ANK1: variants seen among roughly 807,000 people sequenced by gnomAD.
The protein encoded by ANK1 is ankyrin-1.
Under a neutral mutation model 210.4 loss-of-function variants are expected in ANK1, and 51 were observed. The ratio of observed to expected loss-of-function variants is 0.24; its 90% confidence interval spans 0.19 to 0.31. The LOEUF (loss-of-function observed/expected upper bound fraction) is 0.31. ANK1 is among the 10% of genes least tolerant of loss of function. The pLI, the probability that ANK1 is intolerant of heterozygous loss-of-function variation, is 1.00. For missense variants in ANK1, 2,051 were observed against 2,504.4 expected (o/e 0.82, Z 3.86); for synonymous variants, 967 against 1,025.9 (o/e 0.94, Z 1.10).
intron 1 of ANK1, among the ~76,000 whole-genome samples, chr8:41,793,228 A>G (rs929859345): frequency 1.3e-5 from 2 of 152,206 alleles, no homozygotes; most frequent in Middle Eastern, 3.2e-3. Flanking sequence ...AAATACAAAA[A>G]TTAGCTGAAC....
chr8:41,663,530 C>T (rs28667543), intron 40 of ANK1, 129 bp downstream of exon 40: 55 of 904,028 alleles, frequency 6.1e-5, no homozygotes, highest in South Asian at 3.0e-4. Context: ...CTCCTGAGCA[C>T]GGGGGCAGCC....
At chr8:41,699,298 G>C (rs1220712405) in intron 23 of ANK1, among the ~76,000 whole-genome samples, 154 bp downstream of exon 23, 1 of 152,166 alleles carries the variant, frequency 6.6e-6, no homozygotes, top group East Asian at 1.9e-4. Flanking sequence ...CTAGGGTGCA[G>C]AGCTAGCTCA....
chr8:41,682,076 T>C (rs1044876941), intron 37 of ANK1, among the ~76,000 whole-genome samples: 28 of 152,350 alleles, frequency 1.8e-4, no homozygotes, highest in East Asian at 5.8e-4. Context: ...AACCCTCTGA[T>C]GGCTTTCCAG....
At chr8:41,763,170 CG>C (rs1194602855) in intron 1 of ANK1, among the ~76,000 whole-genome samples, 1 of 148,876 alleles carries the variant, frequency 6.7e-6, no homozygotes, top group African/African-American at 2.5e-5. Context: ...GCTGAGATTG[CG>C]GCACTGCACT....
At position 41,803,057 on chromosome 8, in the gene ANK1, G is replaced by A. The variant is rs201448694; in HGVS notation, c.127-44920C>T. Among the ~76,000 whole-genome samples, 201 of 36,010 alleles carry A rather than the reference G, an allele frequency of 5.6e-3. 1 individual carries two copies. The highest frequency in any genetic ancestry group is 0.017 in the African/African-American group (162 of 9,604). The allele number at this position is 36,010 out of a possible 152,430, so 23.6% of individuals were successfully genotyped here. On this transcript the variant is annotated intron_variant, in intron 1 of 42. Transcript: ENST00000265709. ...AGAAAGAAAGAGAAAGAAAGAAAGA[G>A]AGAAAGGAAGGAAGGAAGGAAGGAA...
Position 41,665,013 on chromosome 8 carries a change from A to G in ANK1, c.5395-1271T>C, listed in dbSNP as rs763766517. On this transcript the variant is annotated intron_variant, in intron 39 of 42. Coordinates refer to ENST00000289734, the MANE Select transcript of ANK1 (RefSeq NM_000037.4). Reference sequence around the variant, plus strand: ...CAGCGTGACCAACAGCTGGGTGACGAAAGTCCACATCCTCGCCTCCTCACC... The same window carrying G: ...CAGCGTGACCAACAGCTGGGTGACGGAAGTCCACATCCTCGCCTCCTCACC... 13 of 1,613,722 alleles carry G rather than the reference A, an allele frequency of 8.1e-6. No individual in the cohort carries two copies. In the Admixed American group the frequency reaches 1.2e-4, roughly 14 times the overall value.
intron 1 of ANK1, among the ~76,000 whole-genome samples, chr8:41,895,744 A>C (rs978137323): frequency 6.6e-6 from 1 of 152,178 alleles, no homozygotes; most frequent in African/African-American, 2.4e-5. Context: ...GTAGAGGAGA[A>C]GGCGCCTTCT....
intron 1 of ANK1, among the ~76,000 whole-genome samples, chr8:41,892,733 G>A (rs1006819285): frequency 3.3e-5 from 5 of 152,114 alleles, no homozygotes; most frequent in Non-Finnish European, 5.9e-5. Context: ...ATCATTCACC[G>A]GAACACATGC....
intron 14 of ANK1, 93 bp downstream of exon 14, chr8:41,715,559 G>A (rs1827392394): frequency 6.7e-7 from 1 of 1,490,656 alleles, no homozygotes; most frequent in Admixed American, 1.9e-5. Context: ...TCATTGAGGT[G>A]ACAAAGAGAA....
At chr8:41,679,703 C>T (rs1815354096) in intron 37 of ANK1, among the ~76,000 whole-genome samples, 1 of 150,828 alleles carries the variant, frequency 6.6e-6, no homozygotes, top group African/African-American at 2.4e-5. Flanking sequence ...GCTGGGACTA[C>T]AGGCGCCCAC....
intron 1 of ANK1, among the ~76,000 whole-genome samples, chr8:41,768,292 T>C (rs1337956361): frequency 2.0e-5 from 3 of 152,152 alleles, no homozygotes; most frequent in Admixed American, 6.5e-5. Flanking sequence ...GTTCAGATCA[T>C]AGGTGTTTTG....
chr8:41,669,217 G>A (rs776495663), intron 38 of ANK1, among the ~76,000 whole-genome samples: 11 of 151,752 alleles, frequency 7.2e-5, no homozygotes, highest in East Asian at 5.8e-4. Context: ...TACACTCAGC[G>A]TGCCTGGATG....
intron 18 of ANK1, 108 bp downstream of exon 18, chr8:41,706,035 G>T: frequency 9.3e-7 from 1 of 1,076,714 alleles, no homozygotes; most frequent in Non-Finnish European, 1.4e-6. Context: ...AAGTGGCAGA[G>T]AAGAATGTCC....
intron 1 of ANK1, among the ~76,000 whole-genome samples, chr8:41,837,280 G>A (rs60822376): frequency 1.6e-4 from 24 of 152,204 alleles, no homozygotes; most frequent in African/African-American, 4.1e-4. Flanking sequence ...ACTCAGTTCC[G>A]GGACAAAAGT....
At chr8:41,668,001 AC>A (rs1317891940) in intron 39 of ANK1, among the ~76,000 whole-genome samples, 1 of 152,236 alleles carries the variant, frequency 6.6e-6, no homozygotes, top group African/African-American at 2.4e-5. Context: ...CTTAGAGCCC[AC>A]TTCTGAAACT....
At position 41,849,186 on chromosome 8, in the gene ANK1, C is replaced by T. The variant is rs538214787; in HGVS notation, c.126+47169G>A. On this transcript the variant is annotated intron_variant, in intron 1 of 42. Transcript: ENST00000265709. ...CCTCTGCCCATCTTCGAAGGCCTAACGGAAACCTTCTGGGTGAGGCTGCCC... is the reference window on the plus strand; with the variant it reads ...CCTCTGCCCATCTTCGAAGGCCTAATGGAAACCTTCTGGGTGAGGCTGCCC... 1.4e-4 allele frequency among the ~76,000 whole-genome samples: 22 copies of T among 152,330 alleles called. No individual in the cohort carries two copies. The South Asian group carries it at 2.5e-3, about 17-fold the overall frequency.
At chr8:41,769,685 A>T (rs1842611709) in intron 1 of ANK1, among the ~76,000 whole-genome samples, 1 of 152,196 alleles carries the variant, frequency 6.6e-6, no homozygotes, top group Non-Finnish European at 1.5e-5. Context: ...AAGTTTTGGC[A>T]TATGTATATC....
intron 23 of ANK1, 150 bp from the exon 24 acceptor site, chr8:41,698,271 A>G: frequency 3.9e-6 from 3 of 761,352 alleles, no homozygotes; most frequent in Non-Finnish European, 6.8e-6. Context: ...CTCCTCCTCC[A>G]TGAAGTCCTC....
chr8:41,742,311 G>A (rs1157120405), intron 2 of ANK1, among the ~76,000 whole-genome samples: 1 of 152,216 alleles, frequency 6.6e-6, no homozygotes, highest in Non-Finnish European at 1.5e-5. Flanking sequence ...GTCAAGAGAA[G>A]GGGAACGGTT....
Sources: allele counts gnomAD v4.1 joint callset (sites outside exome capture counted in the v4.1 genomes callset), GRCh38; gene constraint gnomAD v4.1.1; transcripts MANE v1.5; gene names NCBI Gene and HGNC (gene_info 2026-07-23, HGNC 2026-07-21).